Variants in NRAP observed in about 807,000 individuals in gnomAD.
NRAP encodes nebulin related anchoring protein.
Under a neutral mutation model 225.9 loss-of-function variants are expected in NRAP, and 189 were observed. The observed-to-expected ratio is 0.84, with a 90% CI of 0.74 to 0.94. The LOEUF (loss-of-function observed/expected upper bound fraction) is 0.94, where lower values mean the gene tolerates loss of function less well. Among genes scored for constraint, NRAP ranks in the 40% least tolerant of loss-of-function variants. NRAP has a pLI of 0.00. For synonymous variants in NRAP, 769 were observed against 790.7 expected (o/e 0.97, Z 0.46); for missense variants, 2,176 against 2,168.7 (o/e 1.00, Z -0.07).
chr10:113,597,328 C>T, intron 36 of NRAP, 144 bp from the exon 37 acceptor site: 1 of 616,552 alleles, frequency 1.6e-6, no homozygotes, highest in South Asian at 1.9e-5. Context: ...AGGTACCTAA[C>T]AATCAAGAGT....
At chr10:113,659,508 G>A (rs1850530097) in intron 3 of NRAP, among the ~76,000 whole-genome samples, 1 of 152,174 alleles carries the variant, frequency 6.6e-6, no homozygotes, top group Admixed American at 6.5e-5. Flanking sequence ...TCCTTCCCCA[G>A]TGCAAATCTA....
intron 1 of NRAP, 68 bp downstream of exon 1, chr10:113,663,743 T>C: frequency 9.4e-7 from 1 of 1,066,916 alleles, no homozygotes; most frequent in Non-Finnish European, 1.5e-6. Flanking sequence ...TTTACCTATG[T>C]CCATATGTGA....
intron 19 of NRAP, 122 bp from the exon 20 acceptor site, chr10:113,629,143 C>A: frequency 1.4e-6 from 1 of 740,726 alleles, no homozygotes; most frequent in South Asian, 1.5e-5. Context: ...GCTCCCTGCT[C>A]CTTTATGGTC....
In NRAP at chr10:113,595,731, T is replaced by C. The variant is rs1248598772; in HGVS notation, c.4432-4A>G. On this transcript the variant is annotated splice_region_variant and splice_polypyrimidine_tract_variant and intron_variant, in intron 37 of 41. Coordinates refer to ENST00000359988, the MANE Select transcript of NRAP (RefSeq NM_198060.4). Reference sequence around the variant, plus strand: ...CATCTCCAGATCTATACATGCGCTGTAGATAAGATGGGCTCATGGTAAATA... The same window carrying C: ...CATCTCCAGATCTATACATGCGCTGCAGATAAGATGGGCTCATGGTAAATA... 1 of 1,581,440 alleles carries C rather than the reference T, an allele frequency of 6.3e-7. No homozygotes were observed. The highest frequency in any genetic ancestry group is 8.7e-7 in the Non-Finnish European group (1 of 1,150,486).
At chr10:113,642,238 C>T (rs1341642161) in intron 12 of NRAP, among the ~76,000 whole-genome samples, 1 of 152,106 alleles carries the variant, frequency 6.6e-6, no homozygotes, top group Admixed American at 6.5e-5. Flanking sequence ...GGCAGAGTGG[C>T]TCAGGGAGCT....
chr10:113,663,740 A>G, intron 1 of NRAP, 71 bp downstream of exon 1: 5 of 1,027,342 alleles, frequency 4.9e-6, no homozygotes, highest in East Asian at 4.7e-5. Context: ...ATATTTACCT[A>G]TGTCCATATG....
intron 38 of NRAP, among the ~76,000 whole-genome samples, chr10:113,593,864 A>G (rs142925070): frequency 7.0e-4 from 106 of 152,334 alleles, no homozygotes; most frequent in African/African-American, 2.5e-3. Context: ...GTCCAATGTC[A>G]CCCCACTTTG....
intron 35 of NRAP, among the ~76,000 whole-genome samples, chr10:113,600,229 G>T (rs985924384): frequency 6.7e-6 from 1 of 149,816 alleles, no homozygotes; most frequent in Non-Finnish European, 1.5e-5. Flanking sequence ...GGAGTGCAGT[G>T]GTGTGATCAT....
intron 14 of NRAP, among the ~76,000 whole-genome samples, chr10:113,635,987 A>G (rs1385343801): frequency 6.6e-6 from 1 of 152,180 alleles, no homozygotes. Flanking sequence ...GCTTCTGGAC[A>G]TCTGAATCTC....
Position 113,612,759 on chromosome 10 carries a change from G to A in NRAP, c.3301-328C>T, listed in dbSNP as rs75419923. Among the ~76,000 whole-genome samples, 222 of 152,304 alleles carry A rather than the reference G, an allele frequency of 1.5e-3. 1 individual carries two copies. Among genetic ancestry groups the A allele is most frequent in the African/African-American group, 5.2e-3 (217 of 41,568 alleles). ...AATCTTTAGATCTTTCTATTTTTCA[G>A]AGGCAAGAAGATGCATCGCTCCCTG... On this transcript the variant is annotated intron_variant, in intron 29 of 41. Coordinates refer to ENST00000359988, the MANE Select transcript of NRAP (RefSeq NM_198060.4).
intron 32 of NRAP, 41 bp downstream of exon 32, chr10:113,608,373 G>T: frequency 1.6e-6 from 2 of 1,274,664 alleles, no homozygotes; most frequent in Non-Finnish European, 2.3e-6. Context: ...CAATCGAGCA[G>T]TTTTTAAAAA....
At chr10:113,608,878 G>A (rs1397460337) in intron 31 of NRAP, among the ~76,000 whole-genome samples, 1 of 152,198 alleles carries the variant, frequency 6.6e-6, no homozygotes, top group Non-Finnish European at 1.5e-5. Context: ...AAACAGACAT[G>A]CCAGGCATAG....
At chr10:113,660,610 G>A (rs1850616201) in intron 3 of NRAP, among the ~76,000 whole-genome samples, 1 of 152,198 alleles carries the variant, frequency 6.6e-6, no homozygotes. Flanking sequence ...ATAAGGTGGA[G>A]ACATGCCTGC....
chr10:113,615,981 C>T (rs1016705894), intron 26 of NRAP, among the ~76,000 whole-genome samples, 165 bp from the exon 27 acceptor site: 4 of 152,154 alleles, frequency 2.6e-5, no homozygotes, highest in African/African-American at 4.8e-5. Context: ...CACGGTGACA[C>T]GCATGTCATT....
rs754939448 is a variant in NRAP at position 113,627,218 on chromosome 10, C to T, written c.2146-1073G>A. ...TTCCACTGTGTTGAATGGGAAAACT[C>T]CTTCACCACATAACTGAAGGGAGTC... On this transcript the variant is annotated intron_variant, in intron 20 of 41. Coordinates refer to ENST00000359988, the MANE Select transcript of NRAP (RefSeq NM_198060.4). Among the ~76,000 whole-genome samples, 186 of 152,340 alleles carry T rather than the reference C, an allele frequency of 1.2e-3. 2 individuals are homozygous for T. The highest frequency in any genetic ancestry group is 1.8e-3 in the Non-Finnish European group (125 of 68,028).
chr10:113,589,974 G>A (rs1331516936), intron 40 of NRAP, among the ~76,000 whole-genome samples, 177 bp from the exon 41 acceptor site: 1 of 152,216 alleles, frequency 6.6e-6, no homozygotes, highest in Non-Finnish European at 1.5e-5. Context: ...CACAGGGGCC[G>A]CAATGTGCTG....
Position 113,604,782 on chromosome 10 carries a change from T to C in NRAP, c.4054A>G (p.Ser1352Gly), listed in dbSNP as rs768783130. The stretch of plus-strand genomic sequence containing the variant: ...GGCAGATGGAACTGGGCTTGGCTGC[T>C]GGTCGCCCCCCTCCTGTACTGAAGC... ...SELQYRRGAT[S>G]SQAQFHLPMD... The change falls in exon 35 of 42, where the codon AGC becomes GGC. Residue 1352 changes from serine to glycine, a missense_variant. Ser to Gly is a moderately conservative substitution (Grantham distance 56). This residue lies in a region of NRAP where 1,708 missense variants were observed against 1,695.5 expected (regional missense o/e 1.01). Coordinates refer to ENST00000359988, the MANE Select transcript of NRAP (RefSeq NM_198060.4). 2 of 1,614,208 alleles carry C rather than the reference T, an allele frequency of 1.2e-6. No homozygotes were observed. Among genetic ancestry groups the C allele is most frequent in the Non-Finnish European group, 1.7e-6 (2 of 1,180,032 alleles).
At chr10:113,648,649 G>A (rs6585237) in intron 9 of NRAP, among the ~76,000 whole-genome samples, 49,396 of 151,684 alleles carry the variant, frequency 0.33, 8,696 homozygotes, top group African/African-American at 0.48. Context: ...CTTCTCTCTC[G>A]CTCCCTCCTC....
At position 113,597,174 on chromosome 10, in the gene NRAP, C is replaced by A; in HGVS notation, c.4343G>T (p.Arg1448Leu). The change falls in exon 37 of 42, where the codon CGT (arginine) becomes CTT (leucine). Residue 1448 changes from arginine to leucine, a missense_variant. Physicochemically the swap from Arg to Leu is moderately radical, Grantham distance 102. Coordinates refer to ENST00000359988, the MANE Select transcript of NRAP (RefSeq NM_198060.4). ...GAACTTGATACTGTCTGGTTTTTTA[C>A]GGTACTTGGTCTATAAGATAAAGAC... Reference protein sequence around the residue: ...AGELISETKYRKKPDSIKFTT... With the variant: ...AGELISETKYLKKPDSIKFTT... 6.2e-7 allele frequency: 1 copy of A among 1,606,500 alleles called. No homozygotes were observed. The highest frequency in any genetic ancestry group is 1.1e-5 in the South Asian group (1 of 90,936).
Sources: gnomAD v4.1 joint callset for allele counts (sites outside exome capture counted in the v4.1 genomes callset) on GRCh38, gnomAD v4.1.1 for gene constraint, gnomAD v4.1.1 regional missense constraint, MANE v1.5 for transcripts, NCBI Gene and HGNC (gene_info 2026-07-23, HGNC 2026-07-21) for gene names.